Variants in B3GLCT observed in about 807,000 individuals in gnomAD.
B3GLCT encodes the protein beta-1,3-glucosyltransferase.
B3GLCT carries 65 observed loss-of-function variants against 63.4 expected under a neutral mutation model. The ratio of observed to expected loss-of-function variants is 1.03; its 90% CI spans 0.84 to 1.26. The LOEUF (loss-of-function observed/expected upper bound fraction) is 1.26, where lower values mean the gene tolerates loss of function less well. Among genes scored for constraint, B3GLCT ranks in the 50% most tolerant of loss-of-function variants. The pLI, the probability that B3GLCT is intolerant of heterozygous loss-of-function variation, is 0.00. For missense variants in B3GLCT, 577 were observed against 604.8 expected (o/e 0.95, Z 0.48); for synonymous variants, 233 against 219.2 (o/e 1.06, Z -0.55).
At chr13:31,250,685 G>A (rs8000179) in intron 6 of B3GLCT, among the ~76,000 whole-genome samples, 65,350 of 152,064 alleles carry the variant, frequency 0.43, 14,793 homozygotes, top group East Asian at 0.77. Flanking sequence ...TGGGCAGGGC[G>A]TCTCTGAAAA....
chr13:31,222,802 C>T (rs1385258015), intron 2 of B3GLCT, 150 bp from the exon 3 acceptor site: 2 of 641,914 alleles, frequency 3.1e-6, no homozygotes, highest in Non-Finnish European at 5.7e-6. Context: ...GTTTCGGTCT[C>T]ATTTCTTTAG....
intron 6 of B3GLCT, among the ~76,000 whole-genome samples, chr13:31,257,990 A>G (rs191840640): frequency 1.7e-4 from 26 of 152,312 alleles, no homozygotes; most frequent in Non-Finnish European, 2.5e-4. Context: ...ATGCAAATGT[A>G]TAATGTGTCG....
At chr13:31,311,093 A>G (rs1220229303) in intron 12 of B3GLCT, among the ~76,000 whole-genome samples, 1 of 152,252 alleles carries the variant, frequency 6.6e-6, no homozygotes, top group African/African-American at 2.4e-5. Flanking sequence ...TGTCAACAGG[A>G]GAAGGTCAGA....
intron 1 of B3GLCT, among the ~76,000 whole-genome samples, chr13:31,208,474 G>A (rs1237085708): frequency 2.6e-5 from 4 of 152,072 alleles, no homozygotes; most frequent in South Asian, 2.1e-4. Flanking sequence ...CTGCACTTGC[G>A]TATCCTCAGG....
chr13:31,296,145 C>G (rs1316696272), intron 12 of B3GLCT, among the ~76,000 whole-genome samples: 1 of 152,246 alleles, frequency 6.6e-6, no homozygotes, highest in Non-Finnish European at 1.5e-5. Context: ...GCTCCACCCA[C>G]TGTCCAACCA....
At chr13:31,275,949 T>C (rs935428749) in intron 9 of B3GLCT, among the ~76,000 whole-genome samples, 2 of 152,188 alleles carry the variant, frequency 1.3e-5, no homozygotes, top group Admixed American at 6.5e-5. Flanking sequence ...GACAAAGCTG[T>C]AGTTAGATGT....
chr13:31,316,432 A>ATATATATATATATATATATATAT (rs1566096056), intron 12 of B3GLCT, among the ~76,000 whole-genome samples: 41 of 21,392 alleles, frequency 1.9e-3, no homozygotes, highest in Admixed American at 3.9e-3. Flanking sequence ...TATATATATA[A>ATATATATATATATATATATATAT]ATTTTTTTTT....
In B3GLCT at chr13:31,308,362, A is replaced by AAAAACAAAAACAAAACAAAAC. The variant is rs144783437; in HGVS notation, c.1065-9200_1065-9199insCAAAAACAAAACAAAACAAAA. ...AAAAAAAAATTAAAAAAAAAAAAAC[A>AAAAACAAAAACAAAACAAAAC]AAAAAAAAAGCTAGTCCCACATGGC... is the stretch of plus-strand genomic sequence containing the variant. On this transcript the variant is annotated intron_variant, in intron 12 of 14. Transcript: ENST00000343307. Among the ~76,000 whole-genome samples the AAAAACAAAAACAAAACAAAAC allele has an allele frequency of 1.9e-3, 117 of 61,890 alleles. 9 individuals are homozygous for AAAAACAAAAACAAAACAAAAC. The highest frequency in any genetic ancestry group is 0.017 in the East Asian group (25 of 1,462). 40.6% of individuals were successfully genotyped at this position (61,890 alleles called of 152,430 possible).
At chr13:31,275,664 C>A (rs554281681) in intron 9 of B3GLCT, among the ~76,000 whole-genome samples, 1 of 152,286 alleles carries the variant, frequency 6.6e-6, no homozygotes, top group African/African-American at 2.4e-5. Context: ...CTGACACTCA[C>A]AAGGTTGTTA....
At chr13:31,257,453 A>G (rs1323543348) in intron 6 of B3GLCT, among the ~76,000 whole-genome samples, 2 of 151,966 alleles carry the variant, frequency 1.3e-5, no homozygotes, top group Non-Finnish European at 2.9e-5. Context: ...CCCAGTAATG[A>G]TTTAATATAC....
Position 31,247,959 on chromosome 13 carries a change from C to T in B3GLCT, c.452C>T (p.Pro151Leu), listed in dbSNP as rs1476049719. 6.4e-6 allele frequency: 10 copies of T among 1,562,530 alleles called. No homozygotes were observed. In the South Asian group the frequency reaches 1.0e-4, roughly 16 times the overall value. Residue 151 changes from proline to leucine, a missense_variant, in exon 6 of 15, where the codon CCC becomes CTC. By Grantham distance (98) the Pro-to-Leu change is moderately conservative. Transcript: ENST00000343307. ...TTGGAAACCCTCAGAAGATATGACC[C>T]CTCTAAGGTGAATATAACTTCAATA... ...KLLETLRRYDPSKEWFLGKAL... is the reference protein window; with the variant it reads ...KLLETLRRYDLSKEWFLGKAL...
At chr13:31,253,001 TAACA>T (rs1376036864) in intron 6 of B3GLCT, among the ~76,000 whole-genome samples, 7 of 152,146 alleles carry the variant, frequency 4.6e-5, no homozygotes, top group African/African-American at 1.7e-4. Flanking sequence ...ACGGAAATCA[TAACA>T]AACAGTCTCT....
At chr13:31,250,413 A>T (rs905497633) in intron 6 of B3GLCT, among the ~76,000 whole-genome samples, 2 of 152,226 alleles carry the variant, frequency 1.3e-5, no homozygotes, top group Non-Finnish European at 2.9e-5. Flanking sequence ...GTCTCAAGTG[A>T]TCTGCCTGCC....
chr13:31,212,400 G>C (rs750967319), intron 1 of B3GLCT, among the ~76,000 whole-genome samples: 2 of 150,220 alleles, frequency 1.3e-5, no homozygotes, highest in African/African-American at 4.9e-5. Flanking sequence ...TCAGCCTCCC[G>C]AGTAGCTGGG....
intron 12 of B3GLCT, among the ~76,000 whole-genome samples, chr13:31,300,478 T>G (rs1385676563): frequency 6.6e-6 from 1 of 151,946 alleles, no homozygotes; most frequent in Non-Finnish European, 1.5e-5. Flanking sequence ...AGGACTGGAG[T>G]TATTACTTAA....
In B3GLCT at chr13:31,308,362, A is replaced by AAAAAAAAAAAC. The variant is rs61561180; in HGVS notation, c.1065-9195_1065-9194insACAAAAAAAAA. On this transcript the variant is annotated intron_variant, in intron 12 of 14. Coordinates refer to ENST00000343307, the MANE Select transcript of B3GLCT (RefSeq NM_194318.4). ...AAAAAAAAATTAAAAAAAAAAAAAC[A>AAAAAAAAAAAC]AAAAAAAAAGCTAGTCCCACATGGC... Among the ~76,000 whole-genome samples the AAAAAAAAAAAC allele has an allele frequency of 2.7e-3, 164 of 61,868 alleles. 8 individuals carry two copies. The highest frequency in any genetic ancestry group is 0.013 in the South Asian group (18 of 1,340). The allele number at this position is 61,868 out of a possible 152,430, so 40.6% of individuals were successfully genotyped here. A position where few individuals can be genotyped will look rare whatever the true frequency, so the allele number is the denominator to read the frequency against.
chr13:31,320,341 G>A (rs1467744151), intron 13 of B3GLCT, among the ~76,000 whole-genome samples: 2 of 152,138 alleles, frequency 1.3e-5, no homozygotes, highest in Non-Finnish European at 2.9e-5. Flanking sequence ...CTGATTACCA[G>A]CCTCCCTGGG....
intron 4 of B3GLCT, among the ~76,000 whole-genome samples, chr13:31,236,901 C>T (rs1471246511): frequency 3.3e-5 from 5 of 152,008 alleles, no homozygotes; most frequent in Non-Finnish European, 5.9e-5. Flanking sequence ...CCAAGGTGGG[C>T]GGATCACCTG....
intron 4 of B3GLCT, among the ~76,000 whole-genome samples, chr13:31,245,749 T>C (rs1871171724): frequency 6.6e-6 from 1 of 152,186 alleles, no homozygotes. Context: ...CATGATTTTC[T>C]GCTCTTATGT....
Sources: gnomAD v4.1 joint callset for allele counts (sites outside exome capture counted in the v4.1 genomes callset) on GRCh38, gnomAD v4.1.1 for gene constraint, MANE v1.5 for transcripts, NCBI Gene and HGNC (gene_info 2026-07-23, HGNC 2026-07-21) for gene names.